GLT8D2: variants seen among roughly 807,000 people sequenced by gnomAD.
GLT8D2 encodes the protein glycosyltransferase 8 domain containing 2.
A neutral mutation model predicts 44.5 loss-of-function variants in GLT8D2; 45 were observed. The ratio of observed to expected loss-of-function variants is 1.01; its 90% confidence interval spans 0.80 to 1.30. The LOEUF (loss-of-function observed/expected upper bound fraction) is 1.30, where lower values mean the gene tolerates loss of function less well. Ranked by LOEUF, GLT8D2 falls within the 50% of genes most tolerant of loss-of-function variation. GLT8D2 has a pLI of 0.00. For synonymous variants in GLT8D2, 156 were observed against 157.2 expected (o/e 0.99, Z 0.06); for missense variants, 400 against 430.4 (o/e 0.93, Z 0.62).
At chr12:104,021,694 A>G (rs1872476) in intron 1 of GLT8D2, among the ~76,000 whole-genome samples, 2 of 150,726 alleles carry the variant, frequency 1.3e-5, no homozygotes, top group African/African-American at 4.9e-5. Flanking sequence ...GAGGTTGAGG[A>G]AGGAGGATCA....
upstream of GLT8D2, among the ~76,000 whole-genome samples, chr12:104,053,404 C>G (rs1881887037): frequency 6.6e-6 from 1 of 152,178 alleles, no homozygotes; most frequent in Non-Finnish European, 1.5e-5. Context: ...AGAGGATATG[C>G]ATGACACCAG....
chr12:103,995,813 G>A (rs1293801747), intron 8 of GLT8D2, among the ~76,000 whole-genome samples: 1 of 152,168 alleles, frequency 6.6e-6, no homozygotes, highest in African/African-American at 2.4e-5. Context: ...TCACACAGGA[G>A]TCATGGAAAT....
At chr12:104,018,953 G>A (rs1370099195) in intron 3 of GLT8D2, among the ~76,000 whole-genome samples, 1 of 152,152 alleles carries the variant, frequency 6.6e-6, no homozygotes, top group East Asian at 1.9e-4. Context: ...TGATGGGTAT[G>A]AAGATTCGAG....
chr12:104,023,793 T>C (rs1373497188), intron 1 of GLT8D2, among the ~76,000 whole-genome samples: 1 of 152,180 alleles, frequency 6.6e-6, no homozygotes, highest in African/African-American at 2.4e-5. Flanking sequence ...CAGGATGTAA[T>C]ATTTTGCGAG....
At chr12:104,000,931 A>T (rs1874130331) in intron 5 of GLT8D2, among the ~76,000 whole-genome samples, 2 of 152,262 alleles carry the variant, frequency 1.3e-5, no homozygotes, top group African/African-American at 2.4e-5. Context: ...TTATAAAAGC[A>T]GTATGCAAAT....
Position 103,989,280 on chromosome 12 carries a change from A to T in GLT8D2, c.*128T>A. 1.4e-6 allele frequency: 1 copy of T among 706,750 alleles called. No individual in the cohort carries two copies. Among genetic ancestry groups the T allele is most frequent in the Non-Finnish European group, 2.3e-6 (1 of 441,928 alleles). The allele number at this position is 706,750 out of a possible 1,614,324, so 43.8% of individuals were successfully genotyped here. A position where few individuals can be genotyped will look rare whatever the true frequency, so the allele number is the denominator to read the frequency against. On this transcript the variant is annotated 3_prime_UTR_variant, in exon 11 of 11. Transcript: ENST00000360814. ...GTCCAAGGTATAATTTGCACACAGT[A>T]GTTTTTGGTTTTTATATTGTGGATC...
chr12:104,041,487 A>T (rs762521370), intron 1 of GLT8D2, among the ~76,000 whole-genome samples: 18 of 152,320 alleles, frequency 1.2e-4, no homozygotes, highest in Non-Finnish European at 1.9e-4. Flanking sequence ...GAGACAGGGG[A>T]ATTGCTTGAA....
intron 1 of GLT8D2, among the ~76,000 whole-genome samples, chr12:104,027,364 C>T (rs1184017482): frequency 6.6e-6 from 1 of 152,212 alleles, no homozygotes; most frequent in African/African-American, 2.4e-5. Flanking sequence ...CCTCCTCCCA[C>T]TCCATGAAAG....
intron 4 of GLT8D2, among the ~76,000 whole-genome samples, chr12:104,013,187 T>G (rs1367046738): frequency 6.6e-6 from 1 of 152,238 alleles, no homozygotes; most frequent in Admixed American, 6.5e-5. Context: ...TCCATTGAGC[T>G]GCCTGGTCTG....
chr12:104,013,773 ACT>A (rs1324992457), intron 4 of GLT8D2, among the ~76,000 whole-genome samples: 2 of 151,796 alleles, frequency 1.3e-5, no homozygotes, highest in African/African-American at 4.8e-5. Flanking sequence ...TCAGAGTCTC[ACT>A]CTGTCATCCA....
At chr12:103,989,660 T>A in intron 10 of GLT8D2, 83 bp from the exon 11 acceptor site, 2 of 1,206,008 alleles carry the variant, frequency 1.7e-6, no homozygotes, top group Non-Finnish European at 2.3e-6. Flanking sequence ...GTTCATAGTT[T>A]AAAAAAAGGT....
At chr12:104,015,206 G>A (rs955472752) in intron 3 of GLT8D2, 101 bp from the exon 4 acceptor site, 1 of 794,776 alleles carries the variant, frequency 1.3e-6, no homozygotes, top group East Asian at 2.7e-5. Context: ...CCATGACACA[G>A]AGGAGTGGTA....
At chr12:104,063,683 A>G (rs955894652) in intron 1 of GLT8D2, among the ~76,000 whole-genome samples, 2 of 152,178 alleles carry the variant, frequency 1.3e-5, no homozygotes, top group Admixed American at 6.5e-5. Context: ...CCTGTGTTGG[A>G]ATCCTGGCCC....
At chr12:104,048,750 A>T (rs1171586856) in intron 1 of GLT8D2, among the ~76,000 whole-genome samples, 1 of 152,246 alleles carries the variant, frequency 6.6e-6, no homozygotes, top group Non-Finnish European at 1.5e-5. Context: ...AACAGGATGC[A>T]TGATCACTTT....
chr12:104,050,248 TC>T (rs2136517728), upstream of GLT8D2: 2 of 152,330 alleles, frequency 1.3e-5, no homozygotes, highest in African/African-American at 4.8e-5. Flanking sequence ...GCGCCAGACT[TC>T]CTCTGGCTAA....
chr12:104,047,321 T>TTTTTG (rs1881267546), intron 1 of GLT8D2, among the ~76,000 whole-genome samples: 1 of 148,280 alleles, frequency 6.7e-6, no homozygotes, highest in African/African-American at 2.5e-5. Context: ...TTTTTTTTTT[T>TTTTTG]GAGATGGAGT....
At chr12:104,020,964 C>T (rs1010115405) in intron 2 of GLT8D2, among the ~76,000 whole-genome samples, 3 of 152,188 alleles carry the variant, frequency 2.0e-5, no homozygotes, top group African/African-American at 7.2e-5. Flanking sequence ...GCATTAAACC[C>T]CCTCCATCAG....
intron 1 of GLT8D2, chr12:104,030,805 C>A: frequency 7.5e-6 from 12 of 1,608,300 alleles, no homozygotes; most frequent in South Asian, 4.4e-5. Flanking sequence ...TGGTGCTGAT[C>A]CGGCACGGCG....
At chr12:103,999,077 T>G (rs1318723389) in intron 6 of GLT8D2, among the ~76,000 whole-genome samples, 1 of 152,238 alleles carries the variant, frequency 6.6e-6, no homozygotes, top group Non-Finnish European at 1.5e-5. Flanking sequence ...CTGGTGGGTT[T>G]GGGACTCTTT....
Sources: allele counts gnomAD v4.1 joint callset (sites outside exome capture counted in the v4.1 genomes callset), GRCh38; gene constraint gnomAD v4.1.1; transcripts MANE v1.5; gene names NCBI Gene and HGNC (gene_info 2026-07-23, HGNC 2026-07-21).